The following ATF7IP2 variants were observed in gnomAD, a reference collection of about 807,000 sequenced individuals.
ATF7IP2 encodes activating transcription factor 7-interacting protein 2.
In ATF7IP2, 42 loss-of-function variants were observed where a neutral mutation model predicts 64.2. That is an observed-to-expected ratio of 0.65 (90% CI 0.51 to 0.85). The LOEUF (loss-of-function observed/expected upper bound fraction) is 0.85, where lower values mean the gene tolerates loss of function less well. Among genes scored for constraint, ATF7IP2 ranks in the 40% least tolerant of loss-of-function variants. ATF7IP2 has a pLI of 0.00. For synonymous variants in ATF7IP2, 308 were observed against 272.8 expected (o/e 1.13, Z -1.27); for missense variants, 933 against 784.2 (o/e 1.19, Z -2.27).
In ATF7IP2 at chr16:10,438,846, A is replaced by T. The variant is rs2048510818; in HGVS notation, c.1095+611A>T. ...AAGGTGGGCGGATCACAAGGTCAAGAGATCGAGACCGTCCTGGGCAACATA... is the reference window on the plus strand; with the variant it reads ...AAGGTGGGCGGATCACAAGGTCAAGTGATCGAGACCGTCCTGGGCAACATA... On this transcript the variant is annotated intron_variant, in intron 7 of 13. Coordinates refer to ENST00000562102, the MANE Select transcript of ATF7IP2 (RefSeq NM_001393719.1). Among the ~76,000 whole-genome samples the T allele has an allele frequency of 2.0e-5, 3 of 152,218 alleles. No individual in the cohort carries two copies. In the East Asian group the frequency reaches 5.8e-4, roughly 30 times the overall value.
rs1200578019 is a variant in ATF7IP2, at chr16:10,451,494, C to T, written c.1195-5878C>T. Among the ~76,000 whole-genome samples the T allele has an allele frequency of 7.9e-5, 12 of 152,204 alleles. No individual in the cohort carries two copies. The East Asian group carries it at 1.4e-3, about 17-fold the overall frequency. ...GGTCTTTTCACATAGTCCCATATTT[C>T]TTGGAGGCTGTGTTCGTTCCTTTTC... On this transcript the variant is annotated intron_variant, in intron 8 of 13. Transcript: ENST00000562102.
At chr16:10,454,038 T>G (rs1167872566) in intron 8 of ATF7IP2, 2 of 151,948 alleles carry the variant, frequency 1.3e-5, no homozygotes, top group Non-Finnish European at 2.9e-5. Context: ...TTTTATCAGT[T>G]TTGCAAGTTA....
Position 10,431,381 on chromosome 16 carries a change from G to T in ATF7IP2, c.761G>T (p.Cys254Phe), listed in dbSNP as rs775476351. The T allele has an allele frequency of 6.2e-7, 1 of 1,613,826 alleles. No individual in the cohort carries two copies. The highest frequency in any genetic ancestry group is 1.1e-5 in the South Asian group (1 of 91,054). Residue 254 changes from cysteine to phenylalanine, a missense_variant, in exon 5 of 14, where the codon TGT becomes TTT. Cys to Phe is a radical substitution (Grantham distance 205, BLOSUM62 -2). Coordinates refer to ENST00000562102, the MANE Select transcript of ATF7IP2 (RefSeq NM_001393719.1). ...CADDILKTDE[C>F]SRTSISNCES... is the part of the protein sequence containing the mutation. ...GATGACATTTTGAAAACTGATGAGT[G>T]TAGTAGAACCAGTATTTCAAATTGT...
chr16:10,391,300 G>A (rs2047317371), intron 1 of ATF7IP2, among the ~76,000 whole-genome samples: 1 of 151,824 alleles, frequency 6.6e-6, no homozygotes, highest in Non-Finnish European at 1.5e-5. Context: ...AGGCGCTGTG[G>A]CTCCCAGCTA....
chr16:10,392,241 G>A (rs1020570513), intron 1 of ATF7IP2, among the ~76,000 whole-genome samples: 2 of 151,632 alleles, frequency 1.3e-5, no homozygotes, highest in African/African-American at 4.8e-5. Context: ...GTTTCGCCAT[G>A]TTGGTCAGGC....
Position 10,418,470 on chromosome 16 carries a change from C to T in ATF7IP2, c.-202-1111C>T, listed in dbSNP as rs115547254. Among the ~76,000 whole-genome samples, 1,175 of 152,272 alleles carry T rather than the reference C, an allele frequency of 7.7e-3. 17 individuals carry two copies. Among genetic ancestry groups the T allele is most frequent in the African/African-American group, 0.026 (1,064 of 41,550 alleles). ...GATAGAAGCAAAGGCGGCTTTATCA[C>T]GGTGAGCTACTTCTTGCAGGAGTCA... is the stretch of plus-strand genomic sequence containing the variant. On this transcript the variant is annotated intron_variant, in intron 2 of 13. Transcript: ENST00000562102.
chr16:10,440,286 GCAAAT>G, intron 7 of ATF7IP2, 73 bp from the exon 8 acceptor site: 1 of 647,574 alleles, frequency 1.5e-6, no homozygotes, highest in South Asian at 2.8e-5. Flanking sequence ...AACTACTTTG[GCAAAT>G]AATTTACCCT....
intron 1 of ATF7IP2, among the ~76,000 whole-genome samples, chr16:10,392,780 A>G (rs2047351984): frequency 6.6e-6 from 1 of 151,304 alleles, no homozygotes; most frequent in Admixed American, 6.6e-5. Context: ...CTTGAGCCCA[A>G]GAGTTGAAGA....
intron 11 of ATF7IP2, 116 bp from the exon 12 acceptor site, chr16:10,473,807 A>G (rs2049897170): frequency 2.9e-6 from 2 of 684,274 alleles, no homozygotes; most frequent in Admixed American, 6.1e-5. Flanking sequence ...TTCCATCTCT[A>G]GTTTCCGAAT....
intron 1 of ATF7IP2, among the ~76,000 whole-genome samples, chr16:10,393,179 G>A (rs1207203735): frequency 1.3e-5 from 2 of 151,710 alleles, no homozygotes; most frequent in Non-Finnish European, 2.9e-5. Context: ...GCATGGTGGT[G>A]GGCACCTGTA....
At chr16:10,474,064 T>G in intron 12 of ATF7IP2, 75 bp downstream of exon 12, 1 of 1,007,100 alleles carries the variant, frequency 9.9e-7, no homozygotes, top group South Asian at 1.4e-5. Flanking sequence ...TGGGTCTACT[T>G]ATGAAGTTTG....
intron 4 of ATF7IP2, among the ~76,000 whole-genome samples, chr16:10,430,280 T>C (rs1215146622): frequency 1.3e-5 from 2 of 152,214 alleles, no homozygotes; most frequent in Non-Finnish European, 2.9e-5. Context: ...TTTAGATTAT[T>C]TAAACTATGA....
intron 8 of ATF7IP2, 41 bp downstream of exon 8, chr16:10,440,503 T>C: frequency 1.8e-6 from 2 of 1,110,400 alleles, no homozygotes; most frequent in Admixed American, 2.6e-5. Flanking sequence ...TCTATTTGAC[T>C]CATATAAGTG....
intron 1 of ATF7IP2, among the ~76,000 whole-genome samples, chr16:10,389,137 A>G (rs187389082): frequency 3.3e-4 from 50 of 152,300 alleles, no homozygotes; most frequent in Admixed American, 3.3e-4. Context: ...GAAGGTTGAT[A>G]ATATGACAGT....
At chr16:10,401,018 A>G (rs1321356324) in intron 1 of ATF7IP2, among the ~76,000 whole-genome samples, 1 of 152,014 alleles carries the variant, frequency 6.6e-6, no homozygotes, top group Non-Finnish European at 1.5e-5. Flanking sequence ...ATTTACCATA[A>G]TGCTAAATTT....
At chr16:10,426,814 G>A (rs1452576002) in intron 3 of ATF7IP2, among the ~76,000 whole-genome samples, 1 of 151,854 alleles carries the variant, frequency 6.6e-6, no homozygotes, top group Non-Finnish European at 1.5e-5. Context: ...ATATAACAAA[G>A]GATTGACAAG....
At chr16:10,471,606 T>TATCA (rs1159056158) in intron 9 of ATF7IP2, among the ~76,000 whole-genome samples, 3 of 152,186 alleles carry the variant, frequency 2.0e-5, no homozygotes, top group African/African-American at 7.2e-5. Flanking sequence ...CAGCATCATT[T>TATCA]ATCATCATTG....
intron 5 of ATF7IP2, among the ~76,000 whole-genome samples, chr16:10,432,238 A>C (rs933546619): frequency 1.9e-4 from 29 of 151,962 alleles, no homozygotes; most frequent in Admixed American, 1.5e-3. Context: ...AAAGAGAAGC[A>C]CCCCAAATAA....
Position 10,431,020 on chromosome 16 carries a change from G to T in ATF7IP2, c.400G>T (p.Ala134Ser), listed in dbSNP as rs774843896. Reference sequence around the variant, plus strand: ...CCCCAGCAGAGTCTTCACAGAAGAGGCAAAAGATTCACTGAACACTTCTGA... The same window carrying T: ...CCCCAGCAGAGTCTTCACAGAAGAGTCAAAAGATTCACTGAACACTTCTGA... ...ESPSRVFTEE[A>S]KDSLNTSEND... Residue 134 changes from alanine to serine, a missense_variant, in exon 5 of 14, where the codon GCA becomes TCA. Physicochemically the swap from Ala to Ser is moderately conservative, Grantham distance 99. Coordinates refer to ENST00000562102, the MANE Select transcript of ATF7IP2 (RefSeq NM_001393719.1). 2 of 1,614,164 alleles carry T rather than the reference G, an allele frequency of 1.2e-6. No individual in the cohort carries two copies. The highest frequency in any genetic ancestry group is 1.7e-6 in the Non-Finnish European group (2 of 1,180,030).
Sources: allele counts gnomAD v4.1 joint callset (sites outside exome capture counted in the v4.1 genomes callset), GRCh38; gene constraint gnomAD v4.1.1; transcripts MANE v1.5; gene names NCBI Gene and HGNC (gene_info 2026-07-23, HGNC 2026-07-21).